ACBD6: variants seen among roughly 807,000 people sequenced by gnomAD.
ACBD6 encodes the protein acyl-CoA binding domain containing 6.
In ACBD6, 28 loss-of-function variants were observed where a neutral mutation model predicts 37.2. The ratio of observed to expected loss-of-function variants is 0.75; its 90% CI spans 0.56 to 1.03. ACBD6 has a LOEUF of 1.03. Among genes scored for constraint, ACBD6 ranks in the 50% least tolerant of loss-of-function variants. The pLI is 0.00. For missense variants in ACBD6, 340 were observed against 337.4 expected, an observed-to-expected ratio of 1.01 and a Z score of -0.06; for synonymous variants, 113 against 126.8, an observed-to-expected ratio of 0.89 and a Z score of 0.73.
intron 3 of ACBD6, among the ~76,000 whole-genome samples, chr1:180,452,361 T>C (rs1460247601): frequency 6.6e-6 from 1 of 151,944 alleles, no homozygotes; most frequent in Non-Finnish European, 1.5e-5. Flanking sequence ...TCCCAGCTAC[T>C]CGGGAGGCTG....
chr1:180,426,455 A>T (rs1325664762), intron 4 of ACBD6, among the ~76,000 whole-genome samples: 1 of 152,162 alleles, frequency 6.6e-6, no homozygotes, highest in African/African-American at 2.4e-5. Context: ...ATGCTTATTG[A>T]CCAGTACTTT....
chr1:180,297,109 T>G (rs928186790), intron 7 of ACBD6, among the ~76,000 whole-genome samples: 1 of 152,156 alleles, frequency 6.6e-6, no homozygotes, highest in African/African-American at 2.4e-5. Context: ...TGATATTTCT[T>G]CTTTTGCTCT....
chr1:180,404,510 T>C (rs1647530204), intron 5 of ACBD6, among the ~76,000 whole-genome samples: 1 of 151,920 alleles, frequency 6.6e-6, no homozygotes, highest in African/African-American at 2.4e-5. Context: ...CAGGCTGGAG[T>C]CCAGTGGCAC....
Position 180,492,366 on chromosome 1 carries a change from C to A in ACBD6, c.288-1G>T. The A allele has an allele frequency of 6.2e-7, 1 of 1,612,804 alleles. No homozygotes were observed. The highest frequency in any genetic ancestry group is 8.5e-7 in the Non-Finnish European group (1 of 1,179,030). On this transcript the variant is annotated splice_acceptor_variant, in intron 2 of 7. Coordinates refer to ENST00000367595, the MANE Select transcript of ACBD6 (RefSeq NM_032360.4). LOFTEE classifies it high-confidence loss of function. ...ATCACCAAGTGCTTTCCAAGCTTCC[C>A]TACAATATGGAATATCCAAAATGGC...
intron 6 of ACBD6, among the ~76,000 whole-genome samples, chr1:180,337,210 T>C (rs1370342379): frequency 6.6e-6 from 1 of 152,020 alleles, no homozygotes; most frequent in Non-Finnish European, 1.5e-5. Flanking sequence ...AAAAAGAGAA[T>C]TTTAGACCAA....
chr1:180,413,363 T>A lies in ACBD6; in HGVS notation c.573+3A>T, dbSNP rs745806163. Reference sequence around the variant, plus strand: ...AATAATTAACAGGGCATGTTTTTCATACCTCTTCATCTTTCACATTCACAT... The same window carrying A: ...AATAATTAACAGGGCATGTTTTTCAAACCTCTTCATCTTTCACATTCACAT... On this transcript the variant is annotated splice_donor_region_variant and intron_variant, in intron 5 of 7. Coordinates refer to ENST00000367595, the MANE Select transcript of ACBD6 (RefSeq NM_032360.4). 20 of 1,609,876 alleles carry A rather than the reference T, an allele frequency of 1.2e-5. No homozygotes were observed. Among genetic ancestry groups the A allele is most frequent in the Non-Finnish European group, 1.7e-5 (20 of 1,176,454 alleles).
At chr1:180,465,155 G>A (rs752383594) in intron 3 of ACBD6, among the ~76,000 whole-genome samples, 2 of 152,094 alleles carry the variant, frequency 1.3e-5, no homozygotes, top group African/African-American at 2.4e-5. Context: ...CGATTGCAAC[G>A]AAAGCAAAAC....
At chr1:180,281,042 C>T (rs117746852) in intron 9 of ACBD6, among the ~76,000 whole-genome samples, 64 of 152,238 alleles carry the variant, frequency 4.2e-4, no homozygotes, top group African/African-American at 1.5e-3. Context: ...TTCATTGGAC[C>T]GCTTCCACTT....
chr1:180,304,362 T>C (rs1470634614), intron 7 of ACBD6, among the ~76,000 whole-genome samples: 1 of 150,766 alleles, frequency 6.6e-6, no homozygotes, highest in Non-Finnish European at 1.5e-5. Flanking sequence ...AAAACCCCAT[T>C]GTCTCAGCCC....
chr1:180,273,541 CAA>C (rs1302199741), intron 11 of ACBD6: 2 of 152,506 alleles, frequency 1.3e-5, no homozygotes, highest in African/African-American at 4.8e-5. Context: ...TTTCAAGTGG[CAA>C]AGATTCCATT....
chr1:180,347,367 T>G (rs1051021427), intron 6 of ACBD6, among the ~76,000 whole-genome samples: 2 of 149,176 alleles, frequency 1.3e-5, no homozygotes, highest in Admixed American at 6.7e-5. Context: ...AAAGTTTTTT[T>G]TTTTTTTTTT....
rs1417236621 is a variant in ACBD6, at chr1:180,435,420, T to C, written c.385-5158A>G. ...CCCGCCACCACGCCTGGCTAATTTT[T>C]TTTTTTTTTTTTTTAGTAGAGACGG... On this transcript the variant is annotated intron_variant, in intron 3 of 7. Transcript: ENST00000367595. 1.3e-5 allele frequency: 5 copies of C among 397,904 alleles called. 1 individual carries two copies. Among genetic ancestry groups the C allele is most frequent in the Non-Finnish European group, 2.3e-5 (5 of 217,928 alleles). The allele number at this position is 397,904 out of a possible 1,614,324, so 24.6% of individuals were successfully genotyped here.
At chr1:180,435,592 C>A (rs1394393275) in intron 3 of ACBD6, 1 of 1,079,618 alleles carries the variant, frequency 9.3e-7, no homozygotes, top group Non-Finnish European at 1.4e-6. Flanking sequence ...TAACCCAGAG[C>A]AACTTTGCAG....
At chr1:180,398,281 T>G (rs898548963) in intron 5 of ACBD6, among the ~76,000 whole-genome samples, 2 of 152,216 alleles carry the variant, frequency 1.3e-5, no homozygotes, top group Non-Finnish European at 2.9e-5. Context: ...ATATAAAGTA[T>G]AGTTTTCTTA....
At chr1:180,280,740 G>C (rs1449442887) in intron 9 of ACBD6, among the ~76,000 whole-genome samples, 3 of 152,190 alleles carry the variant, frequency 2.0e-5, no homozygotes, top group African/African-American at 4.8e-5. Context: ...GAAGATATTG[G>C]TAGGGGAATA....
intron 7 of ACBD6, among the ~76,000 whole-genome samples, chr1:180,314,394 G>A (rs774269870): frequency 1.3e-5 from 2 of 151,988 alleles, no homozygotes; most frequent in African/African-American, 4.8e-5. Context: ...ACAGGTGCCC[G>A]CCATCAGCCC....
chr1:180,464,764 C>T (rs538245112), intron 3 of ACBD6, among the ~76,000 whole-genome samples: 1 of 152,182 alleles, frequency 6.6e-6, no homozygotes, highest in African/African-American at 2.4e-5. Flanking sequence ...CCAGAGAAAT[C>T]ACATTACCCA....
chr1:180,416,792 T>C (rs1373575568), intron 4 of ACBD6, among the ~76,000 whole-genome samples: 1 of 152,182 alleles, frequency 6.6e-6, no homozygotes, highest in Non-Finnish European at 1.5e-5. Flanking sequence ...TTCCTAAATA[T>C]GTTATCTGTA....
intron 3 of ACBD6, among the ~76,000 whole-genome samples, chr1:180,456,545 T>C (rs74695312): frequency 0.042 from 6,372 of 152,218 alleles, 220 homozygotes; most frequent in South Asian, 0.089. Flanking sequence ...AGAAAGCACA[T>C]GAAAAGTGTA....
Sources: allele counts gnomAD v4.1 joint callset (sites outside exome capture counted in the v4.1 genomes callset), GRCh38; gene constraint gnomAD v4.1.1; transcripts MANE v1.5; gene names NCBI Gene and HGNC (gene_info 2026-07-23, HGNC 2026-07-21).